ZNF831: variants seen among roughly 807,000 people sequenced by gnomAD.
ZNF831 encodes the protein chromosome 20 open reading frame 174.
ZNF831 carries 59 observed loss-of-function variants against 95.8 expected under a neutral mutation model. The ratio of observed to expected loss-of-function variants is 0.62; its 90% CI spans 0.50 to 0.77. ZNF831 has a LOEUF of 0.77. ZNF831 is among the 30% of genes least tolerant of loss of function. The pLI is 0.00. For missense variants in ZNF831, 2,205 were observed against 2,164.0 expected (o/e 1.02, Z -0.38); for synonymous variants, 961 against 925.5 (o/e 1.04, Z -0.70).
chr20:59,154,986 C>G (rs1601306255), intron 2 of ZNF831, among the ~76,000 whole-genome samples: 1 of 152,210 alleles, frequency 6.6e-6, no homozygotes. Flanking sequence ...AAATGTCAGT[C>G]CCATGACGGC....
intron 1 of ZNF831, among the ~76,000 whole-genome samples, chr20:59,184,392 C>T (rs1673030619): frequency 6.6e-6 from 1 of 150,868 alleles, no homozygotes; most frequent in Non-Finnish European, 1.5e-5. Flanking sequence ...TGATATAGTT[C>T]CTCTTCCTCC....
chr20:59,245,315 G>C (rs1987536581), intron 4 of ZNF831, among the ~76,000 whole-genome samples: 2 of 152,192 alleles, frequency 1.3e-5, no homozygotes, highest in South Asian at 4.1e-4. Flanking sequence ...AACAGATCTG[G>C]TGAGCTGGAC....
chr20:59,223,029 C>T (rs774704858), intron 4 of ZNF831, among the ~76,000 whole-genome samples: 2 of 152,090 alleles, frequency 1.3e-5, no homozygotes, highest in African/African-American at 2.4e-5. Flanking sequence ...TGTTTCACTG[C>T]CCTCACATAA....
At chr20:59,162,235 TA>T (rs1980917795), upstream of ZNF831, among the ~76,000 whole-genome samples, 1 of 152,250 alleles carries the variant, frequency 6.6e-6, no homozygotes, top group Non-Finnish European at 1.5e-5. Context: ...TTTCTTTTGC[TA>T]CATAGAAACA....
intron 2 of ZNF831, among the ~76,000 whole-genome samples, chr20:59,158,630 A>G (rs1381629008): frequency 6.6e-6 from 1 of 152,254 alleles, no homozygotes; most frequent in East Asian, 1.9e-4. Flanking sequence ...TCAAAGTATC[A>G]GACCATTCAG....
rs776166795 is a variant in ZNF831, at chr20:59,192,463, C to A, written c.1444C>A (p.Pro482Thr). 1.3e-6 allele frequency: 2 copies of A among 1,594,828 alleles called. No homozygotes were observed. Among genetic ancestry groups the A allele is most frequent in the Middle Eastern group, 1.7e-4 (1 of 5,946 alleles). Residue 482 changes from proline (P) to threonine (T), a missense_variant, in exon 2 of 6, where the codon CCC becomes ACC. Transcript: ENST00000371030. The surrounding 1 kb of genome is among the most constrained non-coding windows in gnomAD (Gnocchi z 5.2). ...STWTPPDKSR[P>T]LFFHSVPTQL... Reference sequence around the variant, plus strand: ...CTGGACGCCCCCAGACAAGTCTCGGCCCCTCTTCTTCCACTCCGTCCCCAC... The same window carrying A: ...CTGGACGCCCCCAGACAAGTCTCGGACCCTCTTCTTCCACTCCGTCCCCAC...
In ZNF831 at chr20:59,170,029, T is replaced by C. The variant is rs2146492309; in HGVS notation, c.-37+5822T>C. On this transcript the variant is annotated intron_variant, in intron 1 of 5. Transcript: ENST00000371030. Reference sequence around the variant, plus strand: ...ACCTTTATTATCTCCTTTCTTCCGCTTGCTCTGGATTTATTATGCTTTCCT... The same window carrying C: ...ACCTTTATTATCTCCTTTCTTCCGCCTGCTCTGGATTTATTATGCTTTCCT... Among the ~76,000 whole-genome samples, 2 of 152,262 alleles carry C rather than the reference T, an allele frequency of 1.3e-5. 1 individual carries two copies. The highest frequency in any genetic ancestry group is 4.1e-4 in the South Asian group (2 of 4,830).
rs564638970 is a variant in ZNF831, at chr20:59,134,115, A to C, written c.-1425+10610A>C. Among the ~76,000 whole-genome samples, 27 of 152,336 alleles carry C rather than the reference A, an allele frequency of 1.8e-4. No homozygotes were observed. The South Asian group carries it at 5.4e-3, about 30-fold the overall frequency. On this transcript the variant is annotated intron_variant, in intron 1 of 7. Coordinates refer to the ZNF831 transcript ENST00000637017. ...TCTCAGTGGCATTGAGGACCACCCC[A>C]GAACCCTCTAATGTGGACTATCATG...
In ZNF831 at chr20:59,208,652, G is replaced by A. The variant is rs1043297163; in HGVS notation, c.4027+1596G>A. 3.3e-5 allele frequency among the ~76,000 whole-genome samples: 5 copies of A among 152,296 alleles called. No individual in the cohort carries two copies. Among genetic ancestry groups the A allele is most frequent in the Admixed American group, 6.5e-5 (1 of 15,302 alleles). ...GAACTCCAAGTACGAAGTGAGCCTC[G>A]GGGGTCATGGTACTTGCTGGCTGAC... is the stretch of plus-strand genomic sequence containing the variant. On this transcript the variant is annotated intron_variant, in intron 4 of 5. Coordinates refer to ENST00000371030, the MANE Select transcript of ZNF831 (RefSeq NM_178457.3). This position sits in a 1 kb window ranked among gnomAD's most constrained non-coding sequence, Gnocchi z 4.2.
intron 1 of ZNF831, among the ~76,000 whole-genome samples, chr20:59,185,557 A>G (rs1000498424): frequency 2.0e-5 from 3 of 151,146 alleles, no homozygotes; most frequent in Non-Finnish European, 4.4e-5. Context: ...TCGGGTGACA[A>G]CCCCCTCAAT....
chr20:59,190,056 C>G (rs1983384155), intron 1 of ZNF831, among the ~76,000 whole-genome samples: 1 of 152,186 alleles, frequency 6.6e-6, no homozygotes, highest in Non-Finnish European at 1.5e-5. Flanking sequence ...CTCTCTTGCT[C>G]CCTCCCCTAG....
intron 5 of ZNF831, among the ~76,000 whole-genome samples, chr20:59,253,679 C>T (rs987202937): frequency 6.6e-6 from 1 of 152,154 alleles, no homozygotes; most frequent in Admixed American, 6.5e-5. Context: ...AGGACGTCAG[C>T]AACCTATTTT....
upstream of ZNF831, among the ~76,000 whole-genome samples, chr20:59,163,016 T>G (rs1412351060): frequency 1.1e-5 from 1 of 89,458 alleles, no homozygotes; most frequent in Admixed American, 9.7e-5. Context: ...TATTCCTAGG[T>G]GTGTGTGTGT....
Position 59,253,879 on chromosome 20 carries a change from C to CTTTTTT in ZNF831, c.4189-19_4189-18insTTTTTT. ...TAACCTCCCCCCCCACTTTTTTTTT[C>CTTTTTT]CTTTGCACTTTGTTGCAGGATATTT... is the stretch of plus-strand genomic sequence containing the variant. On this transcript the variant is annotated intron_variant, in intron 5 of 5. Coordinates refer to ENST00000371030, the MANE Select transcript of ZNF831 (RefSeq NM_178457.3). 9 of 489,118 alleles carry CTTTTTT rather than the reference C, an allele frequency of 1.8e-5. No homozygotes were observed. Among genetic ancestry groups the CTTTTTT allele is most frequent in the Admixed American group, 8.3e-5 (2 of 24,082 alleles). 30.3% of individuals were successfully genotyped at this position (489,118 alleles called of 1,614,324 possible).
At chr20:59,165,936 G>A (rs773409938) in intron 1 of ZNF831, among the ~76,000 whole-genome samples, 32 of 152,020 alleles carry the variant, frequency 2.1e-4, no homozygotes, top group Non-Finnish European at 4.6e-4. Context: ...ATTTTTAGTA[G>A]AGAAGGGGTT....
intron 1 of ZNF831, among the ~76,000 whole-genome samples, chr20:59,139,250 G>C (rs941078127): frequency 6.6e-6 from 1 of 151,898 alleles, no homozygotes; most frequent in African/African-American, 2.4e-5. Context: ...TATTTCTATG[G>C]TGTGGATGTA....
Position 59,194,400 on chromosome 20 carries a change from C to G in ZNF831, c.3381C>G (p.Pro1127=), listed in dbSNP as rs1312487754. The change falls in exon 2 of 6, where the codon CCC becomes CCG. Residue 1127 remains proline (P), a synonymous_variant. Transcript: ENST00000371030. ...GPLVGPDPCS[P]LQPGSFLTAL... ...TGGTGGGCCCCGACCCGTGTTCCCC[C>G]CTCCAGCCTGGCTCCTTCCTCACTG... 4 of 1,609,956 alleles carry G rather than the reference C, an allele frequency of 2.5e-6. No individual in the cohort carries two copies. Among genetic ancestry groups the G allele is most frequent in the Non-Finnish European group, 3.4e-6 (4 of 1,178,124 alleles).
upstream of ZNF831, among the ~76,000 whole-genome samples, chr20:59,162,720 A>T (rs1980947834): frequency 6.6e-6 from 1 of 152,102 alleles, no homozygotes; most frequent in African/African-American, 2.4e-5. Flanking sequence ...TTGAAGTCAG[A>T]TAATGTGATG....
chr20:59,215,158 A>G (rs561110888), intron 4 of ZNF831, among the ~76,000 whole-genome samples: 2 of 152,164 alleles, frequency 1.3e-5, no homozygotes, highest in Non-Finnish European at 2.9e-5. Context: ...GCTCTTATAT[A>G]TTTCCTTAGA....
Sources: gnomAD v4.1 joint callset for allele counts (sites outside exome capture counted in the v4.1 genomes callset) on GRCh38, gnomAD v4.1.1 for gene constraint, Gnocchi (gnomAD v3.1) non-coding constraint, MANE v1.5 for transcripts, NCBI Gene and HGNC (gene_info 2026-07-23, HGNC 2026-07-21) for gene names.